PIK3CA: variants seen among roughly 807,000 people sequenced by gnomAD.
PIK3CA encodes the protein phosphatidylinositol 4,5-bisphosphate 3-kinase catalytic subunit alpha isoform.
PIK3CA carries 27 observed loss-of-function variants against 138.2 expected under a neutral mutation model. That is an observed-to-expected ratio of 0.20 (90% CI 0.14 to 0.27). The LOEUF (loss-of-function observed/expected upper bound fraction) is 0.27, where lower values mean the gene tolerates loss of function less well. PIK3CA is among the 10% of genes least tolerant of loss of function. The pLI, the probability that PIK3CA is intolerant of heterozygous loss-of-function variation, is 1.00. For synonymous variants in PIK3CA, 358 were observed against 413.2 expected (o/e 0.87, Z 1.62); for missense variants, 544 against 1,277.4 (o/e 0.43, Z 8.75).
rs1297000505 is a variant in PIK3CA, at chr3:179,203,676, C to A, written c.946C>A (p.Pro316Thr). The change falls in exon 5 of 21, where the codon CCA becomes ACA. Residue 316 changes from proline to threonine, a missense_variant. This residue lies in a region of PIK3CA where 234 missense variants were observed against 401.3 expected (regional missense o/e 0.58). Transcript: ENST00000263967. ...TTCCAGACGCATTTCCACAGCTACA[C>A]CATATATGAATGGAGAAACATCTAC... The part of the protein sequence containing the change: ...SYSRRISTAT[P>T]YMNGETSTKS... 1.2e-6 allele frequency: 2 copies of A among 1,613,786 alleles called. No homozygotes were observed. Among genetic ancestry groups the A allele is most frequent in the East Asian group, 4.5e-5 (2 of 44,862 alleles).
At chr3:179,155,420 A>G (rs1723110166) in intron 1 of PIK3CA, among the ~76,000 whole-genome samples, 1 of 152,220 alleles carries the variant, frequency 6.6e-6, no homozygotes, top group South Asian at 2.1e-4. Context: ...TTTATTGAGC[A>G]CAGATTTGGC....
At chr3:179,179,420 C>T (rs1207233368) in intron 1 of PIK3CA, among the ~76,000 whole-genome samples, 1 of 152,130 alleles carries the variant, frequency 6.6e-6, no homozygotes, top group Non-Finnish European at 1.5e-5. Context: ...CACTGTGATT[C>T]AATTTATGTA....
rs1725361437 is a variant in PIK3CA at position 179,237,881 on chromosome 3, A to G, written c.*3517A>G. Reference sequence around the variant, plus strand: ...TCCTCTTTTTTCTATGTCTGCACAAACTGCAGACCTGGGCTGGACCCACAT... The same window carrying G: ...TCCTCTTTTTTCTATGTCTGCACAAGCTGCAGACCTGGGCTGGACCCACAT... On this transcript the variant is annotated 3_prime_UTR_variant, in exon 21 of 21. Transcript: ENST00000263967. The G allele has an allele frequency of 4.8e-6, 1 of 210,424 alleles. No homozygotes were observed. The highest frequency in any genetic ancestry group is 2.3e-5 in the African/African-American group (1 of 44,036). The allele number at this position is 210,424 out of a possible 1,614,324, so 13.0% of individuals were successfully genotyped here. A position where few individuals can be genotyped will look rare whatever the true frequency, so the allele number is the denominator to read the frequency against.
chr3:179,209,047 A>G (rs1170878717), intron 6 of PIK3CA, among the ~76,000 whole-genome samples: 2 of 148,164 alleles, frequency 1.3e-5, no homozygotes, highest in Admixed American at 6.8e-5. Context: ...AATATATATT[A>G]TAAATATAAA....
intron 10 of PIK3CA, 51 bp downstream of exon 10, chr3:179,218,385 A>G (rs2108408643): frequency 6.7e-7 from 1 of 1,501,000 alleles, no homozygotes; most frequent in Non-Finnish European, 9.1e-7. Flanking sequence ...TTACAGAAAA[A>G]ATAACTGAAT....
chr3:179,217,853 C>T (rs1724872106), intron 9 of PIK3CA, among the ~76,000 whole-genome samples: 1 of 151,988 alleles, frequency 6.6e-6, no homozygotes, highest in Admixed American at 6.6e-5. Flanking sequence ...ATATCAAAAA[C>T]ATTCACAGAT....
intron 1 of PIK3CA, among the ~76,000 whole-genome samples, chr3:179,158,721 T>C (rs896549591): frequency 2.6e-5 from 4 of 152,172 alleles, no homozygotes; most frequent in African/African-American, 7.2e-5. Flanking sequence ...TACAAGTCAT[T>C]TATGTAAAAA....
chr3:179,169,623 A>G (rs866789537), intron 1 of PIK3CA, among the ~76,000 whole-genome samples: 9 of 152,170 alleles, frequency 5.9e-5, no homozygotes, highest in Non-Finnish European at 1.5e-5. Context: ...TGCAGCAACT[A>G]TTGTACTTAA....
rs1027064420 is a variant in PIK3CA, at chr3:179,236,955, C to G, written c.*2591C>G. ...CTATCTATAGCTGACTATCCTTGTC[C>G]TTGAATATGGTGTAACTGACTATTG... On this transcript the variant is annotated 3_prime_UTR_variant, in exon 21 of 21. Transcript: ENST00000263967. 5.0e-6 allele frequency: 1 copy of G among 201,946 alleles called. No homozygotes were observed. The highest frequency in any genetic ancestry group is 1.0e-5 in the Non-Finnish European group (1 of 98,322). 12.5% of individuals were successfully genotyped at this position (201,946 alleles called of 1,614,324 possible).
intron 1 of PIK3CA, chr3:179,149,394 G>T (rs1423161361): frequency 6.6e-6 from 1 of 152,098 alleles, no homozygotes; most frequent in Non-Finnish European, 1.5e-5. Flanking sequence ...ACCTCGGCTC[G>T]AGGGGTTTAT....
intron 6 of PIK3CA, 69 bp downstream of exon 6, chr3:179,204,657 A>G: frequency 2.6e-6 from 2 of 773,992 alleles, no homozygotes; most frequent in Non-Finnish European, 4.4e-6. Context: ...CCATAAAAGT[A>G]GTATATTTTT....
intron 1 of PIK3CA, among the ~76,000 whole-genome samples, chr3:179,181,812 T>C (rs2108371128): frequency 6.6e-6 from 1 of 152,304 alleles, no homozygotes; most frequent in East Asian, 1.9e-4. Context: ...TCTAGTTTTA[T>C]TTTAACCTTT....
rs528609106 is a variant in PIK3CA, at chr3:179,237,784, C to T, written c.*3420C>T. The stretch of plus-strand genomic sequence containing the variant: ...ACTTTGATCAATAGCCCATGCTTGC[C>T]AACTCTGAAGAAATTTAATTTCCAG... On this transcript the variant is annotated 3_prime_UTR_variant, in exon 21 of 21. Transcript: ENST00000263967. The T allele has an allele frequency of 3.2e-4, 68 of 210,456 alleles. No individual in the cohort carries two copies. The highest frequency in any genetic ancestry group is 1.4e-3 in the African/African-American group (64 of 44,202). The allele number at this position is 210,456 out of a possible 1,614,324, so 13.0% of individuals were successfully genotyped here. A position where few individuals can be genotyped will look rare whatever the true frequency, so the allele number is the denominator to read the frequency against.
intron 1 of PIK3CA, among the ~76,000 whole-genome samples, chr3:179,192,482 C>G (rs767259634): frequency 2.0e-5 from 3 of 152,214 alleles, no homozygotes; most frequent in Admixed American, 2.0e-4. Context: ...GCTTAAAGAA[C>G]TTAGGTTGAC....
rs1725378270 is a variant in PIK3CA at position 179,238,619 on chromosome 3, GA to G, written c.*4262del. 3 of 222,982 alleles carry G rather than the reference GA, an allele frequency of 1.3e-5. No individual in the cohort carries two copies. Among genetic ancestry groups the G allele is most frequent in the Admixed American group, 5.7e-5 (1 of 17,398 alleles). 13.8% of individuals were successfully genotyped at this position (222,982 alleles called of 1,614,324 possible). A position where few individuals can be genotyped will look rare whatever the true frequency, so the allele number is the denominator to read the frequency against. Reference sequence around the variant, plus strand: ...TTTTTAATGATATGGAAGACCTTAAGAAAAAAACTTGGCTGAAGTTTAATCG... The same window carrying G: ...TTTTTAATGATATGGAAGACCTTAAGAAAAAACTTGGCTGAAGTTTAATCG... On this transcript the variant is annotated 3_prime_UTR_variant, in exon 21 of 21. Coordinates refer to ENST00000263967, the MANE Select transcript of PIK3CA (RefSeq NM_006218.4).
intron 9 of PIK3CA, among the ~76,000 whole-genome samples, chr3:179,215,409 T>C (rs1724815296): frequency 6.6e-6 from 1 of 152,212 alleles, no homozygotes; most frequent in South Asian, 2.1e-4. Flanking sequence ...TGGAAACTTT[T>C]GTAAATCTAA....
At chr3:179,216,584 C>T (rs1422887175) in intron 9 of PIK3CA, among the ~76,000 whole-genome samples, 2 of 152,024 alleles carry the variant, frequency 1.3e-5, no homozygotes, top group East Asian at 3.8e-4. Context: ...TTTGTAATTA[C>T]AGAGGAAAAA....
chr3:179,189,041 A>G (rs890103375), intron 1 of PIK3CA, among the ~76,000 whole-genome samples: 2 of 150,664 alleles, frequency 1.3e-5, no homozygotes, highest in African/African-American at 4.9e-5. Context: ...GCAAAACCCC[A>G]TCTCTACTAA....
chr3:179,212,604 A>AAAAAAAC (rs1300461919), intron 9 of PIK3CA, among the ~76,000 whole-genome samples: 1 of 151,688 alleles, frequency 6.6e-6, no homozygotes, highest in Non-Finnish European at 1.5e-5. Context: ...ACTCCGTCTC[A>AAAAAAAC]AAAAAACAAA....
Sources: gnomAD v4.1 joint callset for allele counts (sites outside exome capture counted in the v4.1 genomes callset) on GRCh38, gnomAD v4.1.1 for gene constraint, gnomAD v4.1.1 regional missense constraint, MANE v1.5 for transcripts, NCBI Gene and HGNC (gene_info 2026-07-23, HGNC 2026-07-21) for gene names.